The following HECTD4 variants were observed in gnomAD, a reference collection of about 807,000 sequenced individuals.
The protein encoded by HECTD4 is probable E3 ubiquitin-protein ligase HECTD4.
A neutral mutation model predicts 471.5 loss-of-function variants in HECTD4; 114 were observed. That is an observed-to-expected ratio of 0.24 (90% CI 0.21 to 0.28). HECTD4 has a LOEUF of 0.28. Among genes scored for constraint, HECTD4 ranks in the 10% least tolerant of loss-of-function variants. The probability of loss-of-function intolerance (pLI) is 1.00; values close to 1 mark genes in which losing one functional copy is unlikely to be tolerated. For missense variants in HECTD4, 3,866 were observed against 5,651.5 expected (o/e 0.68, Z 10.13); for synonymous variants, 2,012 against 2,256.0 (o/e 0.89, Z 3.07).
intron 54 of HECTD4, 82 bp from the exon 55 acceptor site, chr12:112,200,880 C>CGTGTGT (rs778305113): frequency 8.6e-7 from 1 of 1,163,546 alleles, no homozygotes; most frequent in East Asian, 3.1e-5. Context: ...TGTGTGCGTG[C>CGTGTGT]GTGCGTGTGT....
chr12:112,301,245 C>T (rs116985490), intron 7 of HECTD4, among the ~76,000 whole-genome samples: 7,778 of 151,226 alleles, frequency 0.051, 269 homozygotes, highest in South Asian at 0.093. Flanking sequence ...TGCAATAGCG[C>T]GATCTCAGCT....
chr12:112,304,170 T>TA (rs1273030722), intron 7 of HECTD4, among the ~76,000 whole-genome samples: 5 of 150,130 alleles, frequency 3.3e-5, no homozygotes, highest in African/African-American at 7.3e-5. Flanking sequence ...TTCTTTTAAT[T>TA]AAAAAAAAGC....
At chr12:112,268,408 T>A (rs1417192856) in intron 13 of HECTD4, among the ~76,000 whole-genome samples, 3 of 152,178 alleles carry the variant, frequency 2.0e-5, no homozygotes, top group Admixed American at 1.3e-4. Flanking sequence ...ACCATTCAGC[T>A]CTCTCTTGGA....
chr12:112,204,942 G>C (rs556496892), intron 52 of HECTD4, among the ~76,000 whole-genome samples: 1 of 152,058 alleles, frequency 6.6e-6, no homozygotes, highest in South Asian at 2.1e-4. Context: ...AGACCAGCCT[G>C]ACCAACATGG....
chr12:112,248,203 A>C (rs1293594158), intron 26 of HECTD4, 32 bp from the exon 27 acceptor site: 1 of 1,577,414 alleles, frequency 6.3e-7, no homozygotes, highest in Admixed American at 1.8e-5. Flanking sequence ...ATGCAAAATA[A>C]AAACAAGTAT....
At chr12:112,200,391 TG>T (rs1204877789) in intron 55 of HECTD4, among the ~76,000 whole-genome samples, 2 of 152,160 alleles carry the variant, frequency 1.3e-5, no homozygotes, top group Non-Finnish European at 2.9e-5. Context: ...TGACCTCAAG[TG>T]ATCTGCCCAC....
At chr12:112,247,854 AC>A (rs1028885342) in intron 27 of HECTD4, among the ~76,000 whole-genome samples, 2 of 152,182 alleles carry the variant, frequency 1.3e-5, no homozygotes, top group Non-Finnish European at 2.9e-5. Context: ...AGTTAAAAAA[AC>A]AACCTAATGA....
At chr12:112,289,833 C>A (rs1049859231) in intron 7 of HECTD4, among the ~76,000 whole-genome samples, 1 of 152,056 alleles carries the variant, frequency 6.6e-6, no homozygotes, top group South Asian at 2.1e-4. Flanking sequence ...TGTACCACCA[C>A]GCCCAGCTAA....
chr12:112,162,428 G>C lies in HECTD4; in HGVS notation c.13216C>G (p.Arg4406Gly). 6.2e-7 allele frequency: 1 copy of C among 1,614,024 alleles called. No individual in the cohort carries two copies. The highest frequency in any genetic ancestry group is 8.5e-7 in the Non-Finnish European group (1 of 1,179,894). Residue 4406 changes from arginine to glycine, a missense_variant, in exon 76 of 76, where the codon CGT becomes GGT. By Grantham distance (125) the Arg-to-Gly change is moderately radical. Transcript: ENST00000682272. The surrounding 1 kb of genome is among the most constrained non-coding windows in gnomAD (Gnocchi z 5.2). ...TCTTCACGGTAGTGAATGGCACAAC[G>C]AAGTTTCTCCAGCATGATTTCCAGA... ...SSLEIMLEKLRCAIHYREDPL... is the reference protein window; with the variant it reads ...SSLEIMLEKLGCAIHYREDPL...
intron 61 of HECTD4, 38 bp from the exon 62 acceptor site, chr12:112,183,304 T>C (rs775600699): frequency 4.2e-5 from 63 of 1,503,852 alleles, no homozygotes; most frequent in Non-Finnish European, 5.5e-5. Flanking sequence ...TTTGAGTAGC[T>C]TGACCAGTCA....
At chr12:112,358,712 A>C (rs1339515269) in intron 1 of HECTD4, among the ~76,000 whole-genome samples, 1 of 152,176 alleles carries the variant, frequency 6.6e-6, no homozygotes, top group Non-Finnish European at 1.5e-5. Flanking sequence ...ATGTATCAAG[A>C]AAATTTAGAG....
rs1021001050 is a variant in HECTD4 at position 112,277,880 on chromosome 12, G to A, written c.1687+1348C>T. Among the ~76,000 whole-genome samples, 4 of 152,230 alleles carry A rather than the reference G, an allele frequency of 2.6e-5. No individual in the cohort carries two copies. The East Asian group carries it at 7.7e-4, about 29-fold the overall frequency. ...TCTGCACATTTTTTTTAATGGGAAAGTTGAGGCTTTGAATGATTAATTTCC... is the reference window on the plus strand; with the variant it reads ...TCTGCACATTTTTTTTAATGGGAAAATTGAGGCTTTGAATGATTAATTTCC... On this transcript the variant is annotated intron_variant, in intron 9 of 75. Coordinates refer to ENST00000682272, the MANE Select transcript of HECTD4 (RefSeq NM_001388303.1).
In HECTD4 at chr12:112,250,349, C is replaced by T. The variant is rs148323462; in HGVS notation, c.3745G>A (p.Val1249Met). Residue 1249 changes from valine (V) to methionine (M), a missense_variant, in exon 25 of 76, where the codon GTG becomes ATG. Val to Met is a conservative substitution (Grantham distance 21). This residue lies in a region of HECTD4 where 281 missense variants were observed against 499.9 expected (regional missense o/e 0.56). Coordinates refer to ENST00000682272, the MANE Select transcript of HECTD4 (RefSeq NM_001388303.1). ...CTCGGAGTAAGGGCAGGGGAGATCA[C>T]GCCATTGGCCTCCACCTGCCACTGG... ...RCQWQVEANG[V>M]ISPALTPSPS... 12 of 1,613,378 alleles carry T rather than the reference C, an allele frequency of 7.4e-6. No individual in the cohort carries two copies. In the African/African-American group the frequency reaches 9.3e-5, roughly 13 times the overall value.
chr12:112,227,971 A>G, intron 43 of HECTD4, 118 bp downstream of exon 43: 1 of 867,406 alleles, frequency 1.2e-6, no homozygotes, highest in Non-Finnish European at 1.7e-6. Flanking sequence ...TGCTCAGTTT[A>G]GTGTGAGCTT....
At chr12:112,187,312 C>A (rs951610076) in intron 60 of HECTD4, among the ~76,000 whole-genome samples, 3 of 152,080 alleles carry the variant, frequency 2.0e-5, no homozygotes. Flanking sequence ...GGCCAGAGTC[C>A]CAGAGCCTTT....
At chr12:112,200,876 C>A (rs200062657) in intron 54 of HECTD4, 78 bp from the exon 55 acceptor site, 2 of 1,062,280 alleles carry the variant, frequency 1.9e-6, no homozygotes, top group Non-Finnish European at 2.7e-6. Context: ...TGTGTGTGTG[C>A]GTGCGTGCGT....
chr12:112,242,001 C>T (rs1013045551), intron 32 of HECTD4, among the ~76,000 whole-genome samples: 2 of 152,180 alleles, frequency 1.3e-5, no homozygotes, highest in Admixed American at 6.5e-5. Context: ...CAGTCCAGGG[C>T]TTGCAGAGAA....
At chr12:112,286,913 C>T (rs2034766503) in intron 7 of HECTD4, among the ~76,000 whole-genome samples, 1 of 152,166 alleles carries the variant, frequency 6.6e-6, no homozygotes, top group African/African-American at 2.4e-5. Context: ...ACCATGCTTC[C>T]TCCTAATGCT....
chr12:112,289,673 C>T (rs981453813), intron 7 of HECTD4, among the ~76,000 whole-genome samples: 1 of 151,634 alleles, frequency 6.6e-6, no homozygotes, highest in Non-Finnish European at 1.5e-5. Flanking sequence ...TACCATTATT[C>T]TTTGTTTGTT....
Sources: allele counts gnomAD v4.1 joint callset (sites outside exome capture counted in the v4.1 genomes callset), GRCh38; gene constraint gnomAD v4.1.1; regional missense constraint gnomAD v4.1.1; non-coding constraint Gnocchi (gnomAD v3.1); transcripts MANE v1.5; gene names NCBI Gene and HGNC (gene_info 2026-07-23, HGNC 2026-07-21).